Variants in RAP1GAP2 observed in about 807,000 individuals in gnomAD.
RAP1GAP2 encodes rap1 GTPase-activating protein 2.
Under a neutral mutation model 95.0 loss-of-function variants are expected in RAP1GAP2, and 27 were observed. The ratio of observed to expected loss-of-function variants is 0.28; its 90% confidence interval spans 0.21 to 0.39. The LOEUF (loss-of-function observed/expected upper bound fraction) is 0.39. Ranked by LOEUF, RAP1GAP2 falls within the 10% of genes least tolerant of loss-of-function variation. The probability of loss-of-function intolerance (pLI) is 1.00; values close to 1 mark genes in which losing one functional copy is unlikely to be tolerated. For missense variants in RAP1GAP2, 771 were observed against 970.0 expected, an observed-to-expected ratio of 0.79 and a Z score of 2.72; for synonymous variants, 373 against 380.9, an observed-to-expected ratio of 0.98 and a Z score of 0.24.
intron 3 of RAP1GAP2, among the ~76,000 whole-genome samples, chr17:2,927,254 G>C (rs112995607): frequency 5.3e-4 from 81 of 151,690 alleles, no homozygotes; most frequent in South Asian, 1.0e-3. Flanking sequence ...CCCGGGTTCA[G>C]GCCGTTCTCC....
chr17:2,878,223 C>T (rs1259732340), intron 2 of RAP1GAP2, among the ~76,000 whole-genome samples: 1 of 151,990 alleles, frequency 6.6e-6, no homozygotes, highest in Non-Finnish European at 1.5e-5. Context: ...GTCAGGAACA[C>T]ATTGTGCCTT....
chr17:2,801,739 CAG>C (rs960342578), intron 2 of RAP1GAP2, among the ~76,000 whole-genome samples: 1 of 151,844 alleles, frequency 6.6e-6, no homozygotes, highest in African/African-American at 2.4e-5. Flanking sequence ...ACGCCAGACT[CAG>C]GGTGTGGGAA....
intron 1 of RAP1GAP2, among the ~76,000 whole-genome samples, chr17:2,798,098 C>T (rs1223832719): frequency 2.0e-5 from 3 of 152,210 alleles, no homozygotes; most frequent in Admixed American, 6.5e-5. Flanking sequence ...AGTGTGGCTG[C>T]CCAGGGCTGC....
At position 2,878,982 on chromosome 17, in the gene RAP1GAP2, C is replaced by T. The variant is rs141103325; in HGVS notation, c.81-26302C>T. Among the ~76,000 whole-genome samples, 590 of 152,274 alleles carry T rather than the reference C, an allele frequency of 3.9e-3. 3 individuals are homozygous for T. The highest frequency in any genetic ancestry group is 0.014 in the African/African-American group (567 of 41,542). On this transcript the variant is annotated intron_variant, in intron 2 of 24. Coordinates refer to ENST00000254695, the MANE Select transcript of RAP1GAP2 (RefSeq NM_015085.5). ...TGTGTGACATGCTGAGCCCGGAGGC[C>T]GGCGCTGGCCAGTGCTCAGTGAGGT...
intron 8 of RAP1GAP2, among the ~76,000 whole-genome samples, chr17:2,971,227 A>G (rs972923717): frequency 1.3e-5 from 2 of 152,244 alleles, no homozygotes; most frequent in South Asian, 2.1e-4. Flanking sequence ...GCAATTAATA[A>G]CAAAATAATG....
At chr17:2,990,778 C>G (rs751536459) in intron 11 of RAP1GAP2, among the ~76,000 whole-genome samples, 1 of 151,656 alleles carries the variant, frequency 6.6e-6, no homozygotes, top group Non-Finnish European at 1.5e-5. Context: ...TTGTGGCCAT[C>G]CTAGTGGGTG....
intron 2 of RAP1GAP2, among the ~76,000 whole-genome samples, chr17:2,897,089 C>T (rs963228624): frequency 1.3e-5 from 2 of 152,192 alleles, no homozygotes; most frequent in East Asian, 1.9e-4. Flanking sequence ...ATAATCCCAG[C>T]GCTTTGGGAG....
intron 2 of RAP1GAP2, among the ~76,000 whole-genome samples, chr17:2,826,411 A>G (rs1162962485): frequency 1.3e-5 from 2 of 152,000 alleles, no homozygotes; most frequent in Non-Finnish European, 2.9e-5. Context: ...ATGGAGGGAC[A>G]TGGCAGGAAA....
chr17:2,853,893 G>A, intron 2 of RAP1GAP2: 3 of 978,268 alleles, frequency 3.1e-6, no homozygotes, highest in Non-Finnish European at 3.6e-6. Flanking sequence ...CGAGGCGGAG[G>A]CCGGGGGCCG....
At chr17:2,824,151 A>G (rs1597377799) in intron 2 of RAP1GAP2, among the ~76,000 whole-genome samples, 2 of 147,882 alleles carry the variant, frequency 1.4e-5, no homozygotes, top group East Asian at 2.0e-4. Context: ...GAAAGAAAAA[A>G]AGAAACAGCA....
chr17:2,831,133 A>G (rs2070833203), intron 2 of RAP1GAP2, among the ~76,000 whole-genome samples: 1 of 85,668 alleles, frequency 1.2e-5, no homozygotes, highest in African/African-American at 4.6e-5. Flanking sequence ...GCTGGAGTGC[A>G]GTGGTGTGAT....
chr17:2,786,878 C>G (rs1444116614), intron 1 of RAP1GAP2, among the ~76,000 whole-genome samples: 1 of 151,516 alleles, frequency 6.6e-6, no homozygotes, highest in Non-Finnish European at 1.5e-5. Context: ...AACTCCTGAC[C>G]TCAAGTGATC....
chr17:2,924,615 A>G (rs2042894162), intron 3 of RAP1GAP2, among the ~76,000 whole-genome samples: 1 of 149,822 alleles, frequency 6.7e-6, no homozygotes, highest in Non-Finnish European at 1.5e-5. Context: ...TTAGAGGTGG[A>G]GGGGGAAAGC....
intron 2 of RAP1GAP2, among the ~76,000 whole-genome samples, chr17:2,805,742 A>G (rs999249949): frequency 1.6e-5 from 2 of 123,370 alleles, no homozygotes; most frequent in African/African-American, 6.0e-5. Context: ...TGCTAAAGAA[A>G]GAGATGCGTG....
chr17:2,772,520 C>G (rs1247542825), upstream of RAP1GAP2, among the ~76,000 whole-genome samples: 2 of 151,866 alleles, frequency 1.3e-5, no homozygotes, highest in Non-Finnish European at 2.9e-5. Flanking sequence ...CTGGTCAACT[C>G]CTAGGTTCAA....
rs934347715 is a variant in RAP1GAP2 at position 2,965,227 on chromosome 17, G to C, written c.493-313G>C. 16 of 375,682 alleles carry C rather than the reference G, an allele frequency of 4.3e-5. No homozygotes were observed. In the Admixed American group the frequency reaches 5.0e-4, roughly 12 times the overall value. 23.3% of individuals were successfully genotyped at this position (375,682 alleles called of 1,614,324 possible). A position where few individuals can be genotyped will look rare whatever the true frequency, so the allele number is the denominator to read the frequency against. Reference sequence around the variant, plus strand: ...ACCCTGGATCTGTCCCTTACTCATCGTGTCATCCTGGGCAGTGACTTAACC... The same window carrying C: ...ACCCTGGATCTGTCCCTTACTCATCCTGTCATCCTGGGCAGTGACTTAACC... On this transcript the variant is annotated intron_variant, in intron 7 of 24. Transcript: ENST00000254695. The surrounding 1 kb of genome is among the most constrained non-coding windows in gnomAD (Gnocchi z 4.7).
intron 3 of RAP1GAP2, among the ~76,000 whole-genome samples, chr17:2,936,777 C>T (rs897242121): frequency 2.6e-5 from 4 of 152,148 alleles, no homozygotes; most frequent in African/African-American, 9.7e-5. Flanking sequence ...TGGAAGTCCT[C>T]CCGGGACCCC....
At chr17:2,875,719 C>T (rs577183613) in intron 2 of RAP1GAP2, among the ~76,000 whole-genome samples, 19 of 151,982 alleles carry the variant, frequency 1.3e-4, no homozygotes, top group African/African-American at 3.9e-4. Flanking sequence ...TCCGTCTCGC[C>T]GCCTGTCTGT....
chr17:3,004,685 C>G lies in RAP1GAP2; in HGVS notation c.1201-684C>G, dbSNP rs2046278010. Among the ~76,000 whole-genome samples the G allele has an allele frequency of 6.6e-6, 1 of 152,236 alleles. No homozygotes were observed. The highest frequency in any genetic ancestry group is 6.5e-5 in the Admixed American group (1 of 15,290). On this transcript the variant is annotated intron_variant, in intron 14 of 24. Transcript: ENST00000254695. The surrounding 1 kb of genome is among the most constrained non-coding windows in gnomAD (Gnocchi z 4.1). ...CCCACCCTCAGTTCCTAGCCTGGGCCTAGGACTGGCTGACCCCGTGTGTGG... is the reference window on the plus strand; with the variant it reads ...CCCACCCTCAGTTCCTAGCCTGGGCGTAGGACTGGCTGACCCCGTGTGTGG...
Sources: gnomAD v4.1 joint callset for allele counts (sites outside exome capture counted in the v4.1 genomes callset) on GRCh38, gnomAD v4.1.1 for gene constraint, Gnocchi (gnomAD v3.1) non-coding constraint, MANE v1.5 for transcripts, NCBI Gene and HGNC (gene_info 2026-07-23, HGNC 2026-07-21) for gene names.